LRRC49: variants seen among roughly 807,000 people sequenced by gnomAD.
LRRC49 encodes the protein leucine rich repeat containing 49.
LRRC49 carries 50 observed loss-of-function variants against 83.3 expected under a neutral mutation model. That is an observed-to-expected ratio of 0.60 (90% CI 0.48 to 0.76). The LOEUF (loss-of-function observed/expected upper bound fraction) is 0.76. Ranked by LOEUF, LRRC49 falls within the 30% of genes least tolerant of loss-of-function variation. The probability of loss-of-function intolerance (pLI) is 0.00; values close to 1 mark genes in which losing one functional copy is unlikely to be tolerated. For synonymous variants in LRRC49, 286 were observed against 283.3 expected, an observed-to-expected ratio of 1.01 and a Z score of -0.10; for missense variants, 704 against 809.1, an observed-to-expected ratio of 0.87 and a Z score of 1.58.
At chr15:70,942,742 C>T (rs1393644494) in intron 8 of LRRC49, among the ~76,000 whole-genome samples, 2 of 151,988 alleles carry the variant, frequency 1.3e-5, no homozygotes, top group South Asian at 2.1e-4. Context: ...TAGGGAGGCA[C>T]GAGACATCAA....
chr15:70,988,159 G>A, intron 11 of LRRC49, among the ~76,000 whole-genome samples: 1 of 151,362 alleles, frequency 6.6e-6, no homozygotes, highest in African/African-American at 2.4e-5. Flanking sequence ...GGTCTGCTTG[G>A]TGCAGAGCTG....
chr15:70,882,756 C>T, intron 2 of LRRC49: 1 of 1,613,994 alleles, frequency 6.2e-7, no homozygotes, highest in South Asian at 1.1e-5. Context: ...AGAGTCAAAA[C>T]ATACCCACAC....
chr15:70,892,794 G>C, upstream of LRRC49: 1 of 1,612,050 alleles, frequency 6.2e-7, no homozygotes, highest in Non-Finnish European at 8.5e-7. Context: ...GTAACCCTGA[G>C]CAGGTTGCCT....
intron 7 of LRRC49, among the ~76,000 whole-genome samples, chr15:70,930,168 T>A (rs931672232): frequency 6.6e-6 from 1 of 152,216 alleles, no homozygotes; most frequent in African/African-American, 2.4e-5. Flanking sequence ...ATGTATATCT[T>A]AAATAATAAT....
intron 7 of LRRC49, among the ~76,000 whole-genome samples, chr15:70,926,126 T>G (rs1376487059): frequency 2.0e-5 from 3 of 152,256 alleles, no homozygotes; most frequent in African/African-American, 7.2e-5. Context: ...TGAGCTGTAT[T>G]CCATTGTTGA....
intron 7 of LRRC49, among the ~76,000 whole-genome samples, chr15:70,926,003 T>C (rs2035181667): frequency 6.6e-6 from 1 of 152,190 alleles, no homozygotes; most frequent in Admixed American, 6.5e-5. Flanking sequence ...TGGATTAATT[T>C]TGCCTGTTTT....
chr15:70,962,970 TTAA>T lies in LRRC49; in HGVS notation c.774-809_774-807del, dbSNP rs1025653471. On this transcript the variant is annotated intron_variant, in intron 8 of 15. Coordinates refer to ENST00000260382, the MANE Select transcript of LRRC49 (RefSeq NM_017691.5). ...TCAACATCAACAGTAATAAGTCATA[TTAA>T]TAATATATACCACCTGGGCATAGTG... Among the ~76,000 whole-genome samples the T allele has an allele frequency of 1.6e-4, 24 of 152,066 alleles. 1 individual carries two copies.
rs117440095 is a variant in LRRC49, at chr15:70,921,485, C to T, written c.711+2292C>T. 8.7e-4 allele frequency among the ~76,000 whole-genome samples: 133 copies of T among 152,214 alleles called. 1 individual carries two copies. The highest frequency in any genetic ancestry group is 1.6e-3 in the Non-Finnish European group (110 of 68,002). On this transcript the variant is annotated intron_variant, in intron 7 of 15. Coordinates refer to ENST00000260382, the MANE Select transcript of LRRC49 (RefSeq NM_017691.5). ...GGAGTGGGTGGGTTTGTTGGTATTC[C>T]AAAAATAGCTGTTGAGTAGACAGAT...
intron 5 of LRRC49, chr15:70,907,861 C>T (rs763236099): frequency 2.5e-4 from 107 of 423,406 alleles, no homozygotes; most frequent in Admixed American, 5.3e-4. Context: ...TTGGTGTTAA[C>T]GTAAAAATGG....
chr15:70,909,795 C>T (rs970103489), intron 5 of LRRC49, among the ~76,000 whole-genome samples: 5 of 150,288 alleles, frequency 3.3e-5, no homozygotes, highest in Non-Finnish European at 5.9e-5. Context: ...GCTGAGATTG[C>T]GCCACTGCAC....
intron 2 of LRRC49, among the ~76,000 whole-genome samples, chr15:70,877,602 A>G (rs754413086): frequency 6.6e-6 from 1 of 152,184 alleles, no homozygotes; most frequent in South Asian, 2.1e-4. Flanking sequence ...GTTGATGGAC[A>G]TTTGAGTTTT....
upstream of LRRC49, among the ~76,000 whole-genome samples, chr15:70,888,563 C>T (rs1241835660): frequency 6.6e-6 from 1 of 152,060 alleles, no homozygotes; most frequent in South Asian, 2.1e-4. Context: ...AAGTTTATTA[C>T]AAACAGCATA....
chr15:70,859,498 G>A (rs1182938324), intron 1 of LRRC49: 2 of 689,476 alleles, frequency 2.9e-6, no homozygotes, highest in Admixed American at 3.5e-5. Context: ...TCATTGCTGA[G>A]GTCAAGGTGC....
intron 11 of LRRC49, among the ~76,000 whole-genome samples, chr15:70,990,039 C>T (rs1038022635): frequency 6.6e-6 from 1 of 152,144 alleles, no homozygotes; most frequent in Admixed American, 6.5e-5. Flanking sequence ...CATTCTGCCC[C>T]TACTGGGGGG....
At position 70,935,815 on chromosome 15, in the gene LRRC49, G is replaced by A. The variant is rs114059252; in HGVS notation, c.712-946G>A. 1.9e-3 allele frequency among the ~76,000 whole-genome samples: 284 copies of A among 152,176 alleles called. 1 individual carries two copies. The highest frequency in any genetic ancestry group is 6.6e-3 in the African/African-American group (275 of 41,528). Reference sequence around the variant, plus strand: ...GATACTGGAATCTTTCCCTGTCTCAGCCTCTAGGGACTGACTGTATGTACT... The same window carrying A: ...GATACTGGAATCTTTCCCTGTCTCAACCTCTAGGGACTGACTGTATGTACT... On this transcript the variant is annotated intron_variant, in intron 7 of 15. Transcript: ENST00000260382.
chr15:70,987,693 T>C (rs901244760), intron 11 of LRRC49, among the ~76,000 whole-genome samples: 1 of 152,064 alleles, frequency 6.6e-6, no homozygotes, highest in African/African-American at 2.4e-5. Flanking sequence ...GAATGTGTTT[T>C]CTCTTGCTTT....
chr15:71,014,834 T>C (rs542992355), intron 14 of LRRC49, among the ~76,000 whole-genome samples: 1 of 152,248 alleles, frequency 6.6e-6, no homozygotes, highest in South Asian at 2.1e-4. Context: ...TCAACTAACA[T>C]AAGAAAGACT....
intron 6 of LRRC49, among the ~76,000 whole-genome samples, chr15:70,912,899 G>A (rs952489032): frequency 5.9e-5 from 9 of 151,872 alleles, no homozygotes; most frequent in Admixed American, 2.6e-4. Flanking sequence ...GGATGGTCTC[G>A]ATCTCCTGAC....
At chr15:70,900,767 A>G (rs2034038519) in intron 3 of LRRC49, among the ~76,000 whole-genome samples, 155 bp from the exon 4 acceptor site, 1 of 152,224 alleles carries the variant, frequency 6.6e-6, no homozygotes, top group Non-Finnish European at 1.5e-5. Flanking sequence ...AAACAAATTC[A>G]GCTTAGTAAT....
Sources: allele counts gnomAD v4.1 joint callset (sites outside exome capture counted in the v4.1 genomes callset), GRCh38; gene constraint gnomAD v4.1.1; transcripts MANE v1.5; gene names NCBI Gene and HGNC (gene_info 2026-07-23, HGNC 2026-07-21).